Variants in CACNB4 observed in about 807,000 individuals in gnomAD.
CACNB4 encodes voltage-dependent L-type calcium channel subunit beta-4.
CACNB4 carries 32 observed loss-of-function variants against 71.2 expected under a neutral mutation model. That is an observed-to-expected ratio of 0.45 (90% CI 0.34 to 0.60). CACNB4 has a LOEUF of 0.60. Ranked by LOEUF, CACNB4 falls within the 20% of genes least tolerant of loss-of-function variation. The probability of loss-of-function intolerance (pLI) is 0.01; values close to 1 mark genes in which losing one functional copy is unlikely to be tolerated. For missense variants in CACNB4, 464 were observed against 647.9 expected (o/e 0.72, Z 3.08); for synonymous variants, 231 against 236.9 (o/e 0.97, Z 0.23).
chr2:151,954,258 T>C (rs1201243762), intron 2 of CACNB4, among the ~76,000 whole-genome samples: 1 of 152,350 alleles, frequency 6.6e-6, no homozygotes, highest in East Asian at 1.9e-4. Context: ...TCCTATTCCT[T>C]AGTTCTTTTC....
intron 2 of CACNB4, among the ~76,000 whole-genome samples, chr2:152,000,867 C>G (rs918750653): frequency 6.6e-6 from 1 of 152,132 alleles, no homozygotes; most frequent in Non-Finnish European, 1.5e-5. Flanking sequence ...CAGAAAAGTG[C>G]GCGGGCTCTT....
At chr2:151,975,471 C>G (rs1314816357) in intron 2 of CACNB4, among the ~76,000 whole-genome samples, 1 of 152,160 alleles carries the variant, frequency 6.6e-6, no homozygotes. Flanking sequence ...CCTTCAGAAT[C>G]CTAAAATGGT....
intron 2 of CACNB4, among the ~76,000 whole-genome samples, chr2:152,027,669 C>T (rs113170177): frequency 1.3e-5 from 2 of 152,118 alleles, no homozygotes; most frequent in Admixed American, 6.5e-5. Context: ...CTGACCCACA[C>T]GGTGAAACCC....
chr2:151,923,085 G>A (rs1262420713), intron 2 of CACNB4, among the ~76,000 whole-genome samples: 1 of 152,232 alleles, frequency 6.6e-6, no homozygotes, highest in African/African-American at 2.4e-5. Context: ...GAGGCAACAG[G>A]TGGAACCATG....
chr2:152,059,158 A>G (rs569403430), intron 2 of CACNB4, among the ~76,000 whole-genome samples: 28 of 152,340 alleles, frequency 1.8e-4, no homozygotes, highest in African/African-American at 6.3e-4. Flanking sequence ...AGGACAGTGC[A>G]GAAGGGAAAT....
chr2:151,899,636 T>TA (rs2099852893), intron 2 of CACNB4, among the ~76,000 whole-genome samples: 1 of 152,174 alleles, frequency 6.6e-6, no homozygotes, highest in South Asian at 2.1e-4. Flanking sequence ...CAGGTGGTCG[T>TA]ATGTGAACCA....
At chr2:152,039,378 T>C (rs1684760732) in intron 2 of CACNB4, among the ~76,000 whole-genome samples, 1 of 150,062 alleles carries the variant, frequency 6.7e-6, no homozygotes, top group Non-Finnish European at 1.5e-5. Flanking sequence ...ATCTCGACAC[T>C]GCACTCCAGC....
intron 2 of CACNB4, among the ~76,000 whole-genome samples, chr2:152,057,465 C>T (rs1201607587): frequency 6.6e-6 from 1 of 152,190 alleles, no homozygotes; most frequent in Non-Finnish European, 1.5e-5. Flanking sequence ...TGCCCCTTCA[C>T]TTGTGACTTC....
At chr2:151,978,358 C>T (rs1287733782) in intron 2 of CACNB4, among the ~76,000 whole-genome samples, 1 of 152,116 alleles carries the variant, frequency 6.6e-6, no homozygotes, top group Non-Finnish European at 1.5e-5. Context: ...GGAATCAGGG[C>T]AGCCCACATT....
chr2:151,933,615 G>A (rs938432736), intron 2 of CACNB4, among the ~76,000 whole-genome samples: 1 of 152,120 alleles, frequency 6.6e-6, no homozygotes, highest in Non-Finnish European at 1.5e-5. Context: ...TCTTCTGTGT[G>A]AACCACCAGA....
intron 2 of CACNB4, among the ~76,000 whole-genome samples, chr2:151,886,606 A>T (rs2099849433): frequency 6.6e-6 from 1 of 152,170 alleles, no homozygotes; most frequent in Non-Finnish European, 1.5e-5. Context: ...GTTTCTAAGG[A>T]TATTGGTAGA....
At chr2:152,002,067 C>G (rs1479808931) in intron 2 of CACNB4, among the ~76,000 whole-genome samples, 1 of 152,244 alleles carries the variant, frequency 6.6e-6, no homozygotes, top group Non-Finnish European at 1.5e-5. Context: ...GGACTGCTCA[C>G]AACCTTTCCG....
At chr2:151,912,258 T>C (rs1466001354) in intron 2 of CACNB4, among the ~76,000 whole-genome samples, 1 of 152,208 alleles carries the variant, frequency 6.6e-6, no homozygotes, top group Non-Finnish European at 1.5e-5. Context: ...ATTGTGATGT[T>C]AGGGTGTTGA....
At chr2:151,941,796 G>T (rs1288126544) in intron 2 of CACNB4, among the ~76,000 whole-genome samples, 1 of 152,156 alleles carries the variant, frequency 6.6e-6, no homozygotes, top group Non-Finnish European at 1.5e-5. Context: ...GCTAAATTGT[G>T]TTATGTACCA....
At chr2:151,896,753 T>C (rs10189613) in intron 2 of CACNB4, among the ~76,000 whole-genome samples, 110,377 of 152,208 alleles carry the variant, frequency 0.73, 40,845 homozygotes, top group East Asian at 0.94. Context: ...AAAGGTTATT[T>C]TTAGTTTAAC....
At chr2:151,875,719 G>C (rs2099845933) in intron 5 of CACNB4, among the ~76,000 whole-genome samples, 1 of 100,376 alleles carries the variant, frequency 1.0e-5, no homozygotes, top group South Asian at 4.4e-4. Context: ...CGGGCAGAGG[G>C]GCTCCTCACT....
chr2:151,893,220 T>A, intron 2 of CACNB4, among the ~76,000 whole-genome samples: 1 of 151,138 alleles, frequency 6.6e-6, no homozygotes, highest in Non-Finnish European at 1.5e-5. Flanking sequence ...GCTAGCCAAC[T>A]GGAAAAAAAA....
rs1042517576 is a variant in CACNB4, at chr2:151,901,628, A to T, written c.148-18258T>A. 4.6e-5 allele frequency among the ~76,000 whole-genome samples: 7 copies of T among 152,348 alleles called. No individual in the cohort carries two copies. In the South Asian group the frequency reaches 8.3e-4, roughly 18 times the overall value. Reference sequence around the variant, plus strand: ...TAGAAAAGATCACGAAGGAGTTTTTAAAAATGTGCATTCCGTTTTGAAAAT... The same window carrying T: ...TAGAAAAGATCACGAAGGAGTTTTTTAAAATGTGCATTCCGTTTTGAAAAT... On this transcript the variant is annotated intron_variant, in intron 2 of 13. Coordinates refer to ENST00000539935, the MANE Select transcript of CACNB4 (RefSeq NM_000726.5).
In CACNB4 at chr2:152,052,708, G is replaced by A. The variant is rs141931778; in HGVS notation, c.147+45622C>T. On this transcript the variant is annotated intron_variant, in intron 2 of 13. Coordinates refer to ENST00000539935, the MANE Select transcript of CACNB4 (RefSeq NM_000726.5). The stretch of plus-strand genomic sequence containing the variant: ...GAAATACCATATGTGGGCCAGGAGC[G>A]GTGGCTCACGCCTGTAATTCCAGCA... 9.8e-3 allele frequency among the ~76,000 whole-genome samples: 1,496 copies of A among 152,218 alleles called. 9 individuals are homozygous for A. Among genetic ancestry groups the A allele is most frequent in the Middle Eastern group, 0.058 (17 of 294 alleles).
Sources: allele counts gnomAD v4.1 joint callset (sites outside exome capture counted in the v4.1 genomes callset), GRCh38; gene constraint gnomAD v4.1.1; transcripts MANE v1.5; gene names NCBI Gene and HGNC (gene_info 2026-07-23, HGNC 2026-07-21).